NXN: variants seen among roughly 807,000 people sequenced by gnomAD.
NXN encodes the protein nucleoredoxin 1.
NXN carries 16 observed loss-of-function variants against 48.6 expected under a neutral mutation model. That is an observed-to-expected ratio of 0.33 (90% CI 0.22 to 0.50). The LOEUF is 0.50. NXN is among the 20% of genes least tolerant of loss of function. NXN has a pLI of 0.98. For missense variants in NXN, 492 were observed against 605.5 expected, an observed-to-expected ratio of 0.81 and a Z score of 1.97; for synonymous variants, 281 against 269.6, an observed-to-expected ratio of 1.04 and a Z score of -0.41.
At chr17:977,192 G>A (rs113110194) in intron 1 of NXN, among the ~76,000 whole-genome samples, 2,680 of 152,238 alleles carry the variant, frequency 0.018, 90 homozygotes, top group African/African-American at 0.061. Flanking sequence ...GTTTGTTCAC[G>A]ACCAAGGAAA....
chr17:948,845 T>G (rs9748058), intron 1 of NXN, among the ~76,000 whole-genome samples: 20,369 of 30,248 alleles, frequency 0.67, 5,766 homozygotes, highest in Non-Finnish European at 0.72. Flanking sequence ...CTCTCCCCCC[T>G]GCCTCCTCCT....
At chr17:893,650 C>T (rs375421622) in intron 1 of NXN, among the ~76,000 whole-genome samples, 8 of 55,306 alleles carry the variant, frequency 1.4e-4, no homozygotes, top group African/African-American at 2.5e-4. Context: ...GCATCTCAAC[C>T]CCTGGAAGCC....
chr17:940,757 C>T lies in NXN; in HGVS notation c.360+38562G>A, dbSNP rs539243464. 3.3e-5 allele frequency among the ~76,000 whole-genome samples: 5 copies of T among 150,478 alleles called. No individual in the cohort carries two copies. In the South Asian group the frequency reaches 6.3e-4, roughly 19 times the overall value. ...AGTGAACAAGATTCCAGGGCGCAGC[C>T]ATGAATTCAGATCACATCTCCCTGG... On this transcript the variant is annotated intron_variant, in intron 1 of 7. Coordinates refer to ENST00000336868, the MANE Select transcript of NXN (RefSeq NM_022463.5).
At position 931,830 on chromosome 17, in the gene NXN, G is replaced by A. The variant is rs62067219; in HGVS notation, c.360+47489C>T. ...AGCCTGGGCGACAGAGTAAGACTCC[G>A]TCTCAAAAAAAAAAAAAAAAAAAAA... is the stretch of plus-strand genomic sequence containing the variant. On this transcript the variant is annotated intron_variant, in intron 1 of 7. Transcript: ENST00000336868. Among the ~76,000 whole-genome samples the A allele has an allele frequency of 3.9e-3, 234 of 60,432 alleles. 1 individual carries two copies. The highest frequency in any genetic ancestry group is 6.3e-3 in the Admixed American group (28 of 4,476). 39.6% of individuals were successfully genotyped at this position (60,432 alleles called of 152,430 possible). A position where few individuals can be genotyped will look rare whatever the true frequency, so the allele number is the denominator to read the frequency against.
chr17:968,345 G>A (rs542014948), intron 1 of NXN, among the ~76,000 whole-genome samples: 2 of 152,302 alleles, frequency 1.3e-5, no homozygotes, highest in Admixed American at 6.5e-5. Flanking sequence ...GAGGGTGCGG[G>A]ATCCATTCAG....
In NXN at chr17:955,654, C is replaced by T. The variant is rs1341361478; in HGVS notation, c.360+23665G>A. Among the ~76,000 whole-genome samples the T allele has an allele frequency of 1.2e-4, 18 of 150,532 alleles. No individual in the cohort carries two copies. The South Asian group carries it at 1.5e-3, about 12-fold the overall frequency. On this transcript the variant is annotated intron_variant, in intron 1 of 7. Coordinates refer to ENST00000336868, the MANE Select transcript of NXN (RefSeq NM_022463.5). ...GCTCACGCCTGTAATCCCAGCACCT[C>T]GGGAGGCCGAGGCGGGCGGATCACA...
At chr17:874,782 G>C (rs923539017) in intron 1 of NXN, among the ~76,000 whole-genome samples, 14 of 151,840 alleles carry the variant, frequency 9.2e-5, no homozygotes, top group Admixed American at 3.9e-4. Flanking sequence ...TGGGAGAACA[G>C]ACTAATGCAG....
intron 1 of NXN, chr17:896,856 C>CCGGGGGGGGCGGGGGGGGGG: frequency 8.6e-7 from 1 of 1,156,932 alleles, no homozygotes; most frequent in Non-Finnish European, 1.1e-6. Flanking sequence ...CGGTCCTGAC[C>CCGGGGGGGGCGGGGGGGGGG]ACCCGCCCCC....
rs558660840 is a variant in NXN, at chr17:920,619, C to A, written c.360+58700G>T. Among the ~76,000 whole-genome samples, 32 of 152,252 alleles carry A rather than the reference C, an allele frequency of 2.1e-4. 1 individual carries two copies. The highest frequency in any genetic ancestry group is 2.1e-3 in the Admixed American group (32 of 15,272). ...CCCAGGGTGGGTCTCATCAACTGTA[C>A]CCTCACTGGCAGCACCCAGGACGTT... On this transcript the variant is annotated intron_variant, in intron 1 of 7. Coordinates refer to ENST00000336868, the MANE Select transcript of NXN (RefSeq NM_022463.5). The surrounding 1 kb of genome is among the most constrained non-coding windows in gnomAD (Gnocchi z 4.6).
intron 1 of NXN, among the ~76,000 whole-genome samples, chr17:900,281 A>G (rs77034943): frequency 4.7e-4 from 3 of 6,370 alleles, no homozygotes; most frequent in Non-Finnish European, 1.2e-3. Context: ...CAAAAAAAGG[A>G]AAAAAAAACA....
chr17:824,126 G>A (rs529803084), intron 2 of NXN, among the ~76,000 whole-genome samples: 16 of 148,402 alleles, frequency 1.1e-4, no homozygotes, highest in African/African-American at 2.2e-4. Context: ...TGCAAGCTCC[G>A]CCTCCCGGGT....
intron 1 of NXN, chr17:880,152 A>C (rs557750904): frequency 6.6e-6 from 1 of 152,298 alleles, no homozygotes; most frequent in South Asian, 2.1e-4. Flanking sequence ...AAAGGTCTTT[A>C]TCCTTATTCA....
intron 1 of NXN, among the ~76,000 whole-genome samples, chr17:902,681 C>T (rs1823221981): frequency 6.6e-6 from 1 of 151,878 alleles, no homozygotes; most frequent in Admixed American, 6.6e-5. Flanking sequence ...ACAGCCCCTC[C>T]CATCATCAGC....
Position 823,693 on chromosome 17 carries a change from T to C in NXN, c.551A>G (p.Gln184Arg), listed in dbSNP as rs749152307. ...IAGPLLRNNG[Q>R]SLESSSLEGS... ...CTCCAGGCTGCTGCTCTCCAGAGAC[T>C]GCCCATTGTTTCTAAGCAAGGGCCC... is the stretch of plus-strand genomic sequence containing the variant. The change falls in exon 3 of 8, where the codon CAG (glutamine) becomes CGG (arginine). Residue 184 changes from glutamine (Q) to arginine (R), a missense_variant. By Grantham distance (43) the Gln-to-Arg change is conservative. Coordinates refer to ENST00000336868, the MANE Select transcript of NXN (RefSeq NM_022463.5). 4.3e-6 allele frequency: 7 copies of C among 1,614,172 alleles called. No homozygotes were observed. The highest frequency in any genetic ancestry group is 5.9e-6 in the Non-Finnish European group (7 of 1,180,030).
intron 1 of NXN, among the ~76,000 whole-genome samples, chr17:827,988 A>G (rs1694947546): frequency 6.6e-6 from 1 of 152,188 alleles, no homozygotes; most frequent in South Asian, 2.1e-4. Context: ...CCCCACTTCA[A>G]TCTGGGTGGG....
At chr17:969,895 G>A (rs946974320) in intron 1 of NXN, among the ~76,000 whole-genome samples, 2 of 152,108 alleles carry the variant, frequency 1.3e-5, no homozygotes, top group African/African-American at 2.4e-5. Flanking sequence ...GTTCGACAAC[G>A]ATATGAGATA....
At chr17:959,476 A>C in intron 1 of NXN, 1 of 160,372 alleles carries the variant, frequency 6.2e-6, no homozygotes, top group Non-Finnish European at 1.3e-5. Context: ...CGGCCCAATA[A>C]AGGACTTCAG....
At chr17:950,606 T>C (rs1017747601) in intron 1 of NXN, among the ~76,000 whole-genome samples, 25 of 152,020 alleles carry the variant, frequency 1.6e-4, no homozygotes, top group Non-Finnish European at 3.5e-4. Context: ...CACAGTCATT[T>C]CATCCCCCGT....
chr17:838,971 G>A (rs769232227), intron 1 of NXN, among the ~76,000 whole-genome samples: 1 of 152,152 alleles, frequency 6.6e-6, no homozygotes, highest in African/African-American at 2.4e-5. Context: ...CAGGCTGCCT[G>A]GGTTCAAATC....
Sources: allele counts gnomAD v4.1 joint callset (sites outside exome capture counted in the v4.1 genomes callset), GRCh38; gene constraint gnomAD v4.1.1; non-coding constraint Gnocchi (gnomAD v3.1); transcripts MANE v1.5; gene names NCBI Gene and HGNC (gene_info 2026-07-23, HGNC 2026-07-21).